The following EIPR1 variants were observed in gnomAD, a reference collection of about 807,000 sequenced individuals.
EIPR1 encodes the protein EARP complex and GARP complex interacting protein 1, also known as EARP and GARP complex-interacting protein 1.
EIPR1 carries 25 observed loss-of-function variants against 48.1 expected under a neutral mutation model. That is an observed-to-expected ratio of 0.52 (90% CI 0.38 to 0.73). EIPR1 has a LOEUF of 0.73. EIPR1 is among the 30% of genes least tolerant of loss of function. The pLI, the probability that EIPR1 is intolerant of heterozygous loss-of-function variation, is 0.00. For synonymous variants in EIPR1, 204 were observed against 201.9 expected (o/e 1.01, Z -0.09); for missense variants, 415 against 506.2 (o/e 0.82, Z 1.73).
At chr2:3,373,349 C>G (rs1659759306) in intron 1 of EIPR1, among the ~76,000 whole-genome samples, 1 of 152,060 alleles carries the variant, frequency 6.6e-6, no homozygotes, top group South Asian at 2.1e-4. Context: ...CTCACCACTC[C>G]TATTCAACAT....
chr2:3,210,627 CT>C (rs56963007), intron 5 of EIPR1, among the ~76,000 whole-genome samples: 93,053 of 118,098 alleles, frequency 0.79, 36,344 homozygotes, highest in East Asian at 0.87. Flanking sequence ...CCTCCCAATT[CT>C]TTTTTTTTTT....
At chr2:3,340,558 T>C (rs981734059) in intron 2 of EIPR1, among the ~76,000 whole-genome samples, 1 of 152,252 alleles carries the variant, frequency 6.6e-6, no homozygotes, top group Non-Finnish European at 1.5e-5. Context: ...AAGGAAAGTT[T>C]ACTTATGAAC....
intron 3 of EIPR1, among the ~76,000 whole-genome samples, chr2:3,326,331 A>G (rs1239845978): frequency 2.0e-5 from 3 of 152,106 alleles, no homozygotes; most frequent in African/African-American, 7.2e-5. Context: ...GGGATTGGAG[A>G]GCCGGTAAGC....
chr2:3,353,774 C>T (rs929813658), intron 2 of EIPR1, among the ~76,000 whole-genome samples: 1 of 152,108 alleles, frequency 6.6e-6, no homozygotes, highest in Non-Finnish European at 1.5e-5. Flanking sequence ...TATCGACATA[C>T]GAGAGTGACA....
At chr2:3,356,678 A>C (rs1377446865) in intron 1 of EIPR1, among the ~76,000 whole-genome samples, 1 of 152,182 alleles carries the variant, frequency 6.6e-6, no homozygotes, top group Non-Finnish European at 1.5e-5. Flanking sequence ...TGAGATGAGG[A>C]GGCTCTCCTG....
chr2:3,268,678 C>T (rs969638485), intron 3 of EIPR1, among the ~76,000 whole-genome samples: 1 of 152,194 alleles, frequency 6.6e-6, no homozygotes, highest in Non-Finnish European at 1.5e-5. Flanking sequence ...CACACTAGGA[C>T]AGCGCGCGCA....
intron 3 of EIPR1, chr2:3,274,276 T>C (rs961976623): frequency 1.7e-5 from 26 of 1,522,342 alleles, no homozygotes; most frequent in South Asian, 5.0e-5. Flanking sequence ...ATTAAAAATA[T>C]ATCCACTCCT....
intron 4 of EIPR1, among the ~76,000 whole-genome samples, chr2:3,232,595 G>A (rs534758964): frequency 6.6e-6 from 1 of 152,200 alleles, no homozygotes; most frequent in African/African-American, 2.4e-5. Context: ...AATTTACGTT[G>A]AGGTGCATCA....
At chr2:3,342,669 G>A (rs570747719) in intron 2 of EIPR1, among the ~76,000 whole-genome samples, 4 of 152,198 alleles carry the variant, frequency 2.6e-5, no homozygotes, top group Admixed American at 6.5e-5. Flanking sequence ...TCAGCTCCTG[G>A]ATGCACGCAT....
chr2:3,287,300 CACTCCA>C lies in EIPR1; in HGVS notation c.260-29851_260-29846del, dbSNP rs1241444441. 2.0e-3 allele frequency among the ~76,000 whole-genome samples: 165 copies of C among 81,296 alleles called. 2 individuals are homozygous for C. The highest frequency in any genetic ancestry group is 7.6e-3 in the African/African-American group (157 of 20,746). The allele number at this position is 81,296 out of a possible 152,430, so 53.3% of individuals were successfully genotyped here. On this transcript the variant is annotated intron_variant, in intron 3 of 8. Coordinates refer to ENST00000382125, the MANE Select transcript of EIPR1 (RefSeq NM_003310.5). ...CACACTCCAGAAAGCTCGTTCACCA[CACTCCA>C]GAAAGCTCGTTCACCACACTCCAGA...
At chr2:3,332,395 C>T (rs1669926889) in intron 3 of EIPR1, among the ~76,000 whole-genome samples, 1 of 152,234 alleles carries the variant, frequency 6.6e-6, no homozygotes, top group Non-Finnish European at 1.5e-5. Flanking sequence ...GTCACTCATG[C>T]TAATTCCCTG....
At chr2:3,323,851 G>A (rs1205309587) in intron 3 of EIPR1, among the ~76,000 whole-genome samples, 1 of 152,246 alleles carries the variant, frequency 6.6e-6, no homozygotes, top group Non-Finnish European at 1.5e-5. Context: ...TAAGGAGGCA[G>A]CACAGTGCGT....
chr2:3,295,931 TC>T (rs1668565190), intron 3 of EIPR1, among the ~76,000 whole-genome samples: 9 of 104,912 alleles, frequency 8.6e-5, no homozygotes, highest in South Asian at 3.8e-4. Context: ...GCCCATCCTC[TC>T]CTTGCACACA....
chr2:3,295,429 C>T (rs1256792993), intron 3 of EIPR1, among the ~76,000 whole-genome samples: 4 of 135,580 alleles, frequency 3.0e-5, no homozygotes, highest in African/African-American at 1.1e-4. Context: ...CCCATCCTCT[C>T]TGCACACACA....
At chr2:3,348,887 G>T (rs1002464783) in intron 2 of EIPR1, among the ~76,000 whole-genome samples, 60 of 152,324 alleles carry the variant, frequency 3.9e-4, no homozygotes, top group Admixed American at 3.9e-3. Context: ...AGAAGGCAGG[G>T]GCAGGGCTGC....
intron 3 of EIPR1, among the ~76,000 whole-genome samples, chr2:3,263,522 C>G (rs1368611997): frequency 6.6e-6 from 1 of 152,218 alleles, no homozygotes; most frequent in Non-Finnish European, 1.5e-5. Flanking sequence ...TCAGAGAAGC[C>G]ACAGAACTGC....
At position 3,371,441 on chromosome 2, in the gene EIPR1, T is replaced by C. The variant is rs534432270; in HGVS notation, c.42+6207A>G. 7.5e-3 allele frequency among the ~76,000 whole-genome samples: 1,148 copies of C among 152,254 alleles called. 29 individuals are homozygous for C. The highest frequency in any genetic ancestry group is 0.047 in the Admixed American group (715 of 15,292). On this transcript the variant is annotated intron_variant, in intron 1 of 8. Transcript: ENST00000382125. ...AATTAAAAGACACAGACTGGCAAAT[T>C]GGATAAAGAGTCAAGACCCATCAGT...
In EIPR1 at chr2:3,377,735, C is replaced by G; in HGVS notation, c.-46G>C. On this transcript the variant is annotated 5_prime_UTR_variant, in exon 1 of 9. Coordinates refer to ENST00000382125, the MANE Select transcript of EIPR1 (RefSeq NM_003310.5). ...CCCCGGCCACTCACACGCTAAGGAC[C>G]TCGCTACGGCCGGCGCGTCCCCACC... The G allele has an allele frequency of 1.9e-6, 3 of 1,553,206 alleles. No individual in the cohort carries two copies. The highest frequency in any genetic ancestry group is 1.7e-6 in the Non-Finnish European group (2 of 1,147,558).
chr2:3,330,633 GCA>G (rs1669859589), intron 3 of EIPR1, among the ~76,000 whole-genome samples: 1 of 151,762 alleles, frequency 6.6e-6, no homozygotes, highest in South Asian at 2.1e-4. Flanking sequence ...GGAGGCAGGA[GCA>G]CACACTCATA....
Sources: gnomAD v4.1 joint callset for allele counts (sites outside exome capture counted in the v4.1 genomes callset) on GRCh38, gnomAD v4.1.1 for gene constraint, MANE v1.5 for transcripts, NCBI Gene and HGNC (gene_info 2026-07-23, HGNC 2026-07-21) for gene names.